Variants in PI4K2B observed in about 807,000 individuals in gnomAD.
PI4K2B encodes the protein phosphatidylinositol 4-kinase type 2-beta.
Under a neutral mutation model 56.6 loss-of-function variants are expected in PI4K2B, and 46 were observed. That is an observed-to-expected ratio of 0.81 (90% CI 0.64 to 1.04). PI4K2B has a LOEUF of 1.04. Ranked by LOEUF, PI4K2B falls within the 50% of genes least tolerant of loss-of-function variation. PI4K2B has a pLI of 0.00. For missense variants in PI4K2B, 556 were observed against 607.7 expected (o/e 0.91, Z 0.89); for synonymous variants, 211 against 223.8 (o/e 0.94, Z 0.51).
In PI4K2B at chr4:25,255,272, C is replaced by A; in HGVS notation, c.624+7C>A. ...CATTGTACCTAAAACAAAGGTAAGC[C>A]AGACTTTATTTTTAACCATGGACTT... On this transcript the variant is annotated splice_region_variant and intron_variant, in intron 3 of 9. Transcript: ENST00000264864. 6.2e-7 allele frequency: 1 copy of A among 1,608,674 alleles called. No individual in the cohort carries two copies. The highest frequency in any genetic ancestry group is 8.5e-7 in the Non-Finnish European group (1 of 1,175,282).
intron 6 of PI4K2B, 21 bp from the exon 7 acceptor site, chr4:25,263,729 T>C: frequency 1.1e-6 from 1 of 874,720 alleles, no homozygotes; most frequent in Admixed American, 2.0e-5. Context: ...TTTATCAACA[T>C]ATCATTTTTC....
intron 1 of PI4K2B, among the ~76,000 whole-genome samples, chr4:25,249,657 A>G (rs983990288): frequency 3.4e-5 from 5 of 147,706 alleles, no homozygotes; most frequent in Non-Finnish European, 6.0e-5. Context: ...CACCTCCCAG[A>G]TGGGGTGGCG....
At position 25,260,609 on chromosome 4, in the gene PI4K2B, T is replaced by G; in HGVS notation, c.978+18T>G. 1 of 383,648 alleles carries G rather than the reference T, an allele frequency of 2.6e-6. No homozygotes were observed. The highest frequency in any genetic ancestry group is 4.3e-6 in the Non-Finnish European group (1 of 232,848). The allele number at this position is 383,648 out of a possible 1,614,324, so 23.8% of individuals were successfully genotyped here. A position where few individuals can be genotyped will look rare whatever the true frequency, so the allele number is the denominator to read the frequency against. On this transcript the variant is annotated intron_variant, in intron 6 of 9. Transcript: ENST00000264864. ...ACCATAAGGTAAGGAAATTTACAAT[T>G]TTATATATATATATATATATATATA...
chr4:25,253,248 A>C (rs1000903890), intron 2 of PI4K2B, among the ~76,000 whole-genome samples: 1 of 152,210 alleles, frequency 6.6e-6, no homozygotes, highest in African/African-American at 2.4e-5. Flanking sequence ...AAGTATTGGA[A>C]TGTGAAAGTG....
rs1577703574 is a variant in PI4K2B at position 25,277,329 on chromosome 4, A to G, written c.*142A>G. ...AAAGGTTGTATTTTGAATGTAACCA[A>G]AAGTTTACAGTTTTTTGTCCAAATA... On this transcript the variant is annotated 3_prime_UTR_variant, in exon 10 of 10. Transcript: ENST00000264864. 5.2e-6 allele frequency: 5 copies of G among 969,992 alleles called. No homozygotes were observed. In the East Asian group the frequency reaches 8.3e-5, roughly 16 times the overall value. 60.1% of individuals were successfully genotyped at this position (969,992 alleles called of 1,614,324 possible).
At chr4:25,237,898 A>T (rs1010734136) in intron 1 of PI4K2B, among the ~76,000 whole-genome samples, 2 of 152,216 alleles carry the variant, frequency 1.3e-5, no homozygotes, top group Non-Finnish European at 2.9e-5. Flanking sequence ...AAAGAAAAAA[A>T]GAAAAAGCAC....
chr4:25,277,108 G>C lies in PI4K2B; in HGVS notation c.1367G>C (p.Ser456Thr). Residue 456 changes from serine to threonine, a missense_variant, in exon 10 of 10, where the codon AGT becomes ACT. By Grantham distance (58) the Ser-to-Thr change is moderately conservative. Transcript: ENST00000264864. The part of the protein sequence containing the change: ...CVIVERSQGG[S>T]QGRIVHLSNS... The stretch of plus-strand genomic sequence containing the variant: ...ATTGTGGAACGCAGTCAAGGTGGAA[G>C]TCAGGGTCGGATTGTCCACCTGAGC... 5 of 1,614,054 alleles carry C rather than the reference G, an allele frequency of 3.1e-6. No homozygotes were observed. The highest frequency in any genetic ancestry group is 4.2e-6 in the Non-Finnish European group (5 of 1,179,936).
intron 1 of PI4K2B, among the ~76,000 whole-genome samples, chr4:25,240,738 CTCTT>C (rs1560366130): frequency 6.6e-6 from 1 of 152,116 alleles, no homozygotes; most frequent in Admixed American, 6.6e-5. Flanking sequence ...ACTTCCATCT[CTCTT>C]TCTTTCTCTT....
At chr4:25,255,902 G>A (rs999093892) in intron 3 of PI4K2B, among the ~76,000 whole-genome samples, 1 of 150,888 alleles carries the variant, frequency 6.6e-6, no homozygotes, top group Non-Finnish European at 1.5e-5. Context: ...ATACCATCAT[G>A]CGCCTGGCAC....
At chr4:25,266,666 C>G (rs1448226085) in intron 7 of PI4K2B, among the ~76,000 whole-genome samples, 1 of 152,106 alleles carries the variant, frequency 6.6e-6, no homozygotes, top group Non-Finnish European at 1.5e-5. Flanking sequence ...GAAATTTTAC[C>G]AAACATGCAG....
chr4:25,234,508 G>A, intron 1 of PI4K2B, 77 bp downstream of exon 1: 1 of 1,048,890 alleles, frequency 9.5e-7, no homozygotes, highest in Non-Finnish European at 1.2e-6. Flanking sequence ...CCTGTCTCCC[G>A]CGCGCGCTGG....
At chr4:25,272,708 A>C (rs955355719) in intron 9 of PI4K2B, among the ~76,000 whole-genome samples, 4 of 152,172 alleles carry the variant, frequency 2.6e-5, no homozygotes, top group Non-Finnish European at 4.4e-5. Flanking sequence ...GATCTAAAAA[A>C]TCAGGTATTG....
chr4:25,251,378 G>T lies in PI4K2B; in HGVS notation c.269-943G>T, dbSNP rs138921773. Among the ~76,000 whole-genome samples, 107 of 152,272 alleles carry T rather than the reference G, an allele frequency of 7.0e-4. 2 individuals carry two copies. Among genetic ancestry groups the T allele is most frequent in the African/African-American group, 2.5e-3 (102 of 41,540 alleles). On this transcript the variant is annotated intron_variant, in intron 1 of 9. Coordinates refer to ENST00000264864, the MANE Select transcript of PI4K2B (RefSeq NM_018323.4). ...GCATTTCTTTAATTCCGCTGCCCTG[G>T]TGCAGGCATGGAGTTGGTAGACAGT...
chr4:25,263,815 AT>A lies in PI4K2B; in HGVS notation c.1047del (p.Pro350LeufsTer29). 1 of 1,528,256 alleles carries A rather than the reference AT, an allele frequency of 6.5e-7. No individual in the cohort carries two copies. Among genetic ancestry groups the A allele is most frequent in the Non-Finnish European group, 9.1e-7 (1 of 1,103,682 alleles). 94.7% of individuals were successfully genotyped at this position (1,528,256 alleles called of 1,614,324 possible). A position where few individuals can be genotyped will look rare whatever the true frequency, so the allele number is the denominator to read the frequency against. ...KIAAIDNGLA[F>X]PFKHPDEWRA... ...TAGCTGCAATTGATAATGGTCTAGC[AT>A]TTCCTTTTAAACATCCTGATGAATG... On this transcript the variant is annotated frameshift_variant, in exon 7 of 10. Coordinates refer to ENST00000264864, the MANE Select transcript of PI4K2B (RefSeq NM_018323.4). LOFTEE classifies it high-confidence loss of function.
rs1326872179 is a variant in PI4K2B at position 25,248,066 on chromosome 4, GT to G, written c.269-4254del. ...AGTGAGTAAGATATGGTAAAGATGG[GT>G]AGGTTTAGGTTTACAGTTCTAATCC... On this transcript the variant is annotated intron_variant, in intron 1 of 9. Coordinates refer to ENST00000264864, the MANE Select transcript of PI4K2B (RefSeq NM_018323.4). 2.0e-5 allele frequency among the ~76,000 whole-genome samples: 3 copies of G among 152,236 alleles called. No individual in the cohort carries two copies. The East Asian group carries it at 5.8e-4, about 29-fold the overall frequency.
At chr4:25,250,675 C>T (rs1470334317) in intron 1 of PI4K2B, 1 of 152,160 alleles carries the variant, frequency 6.6e-6, no homozygotes, top group East Asian at 1.9e-4. Flanking sequence ...GCACTTGTAC[C>T]CTTGAACTTA....
chr4:25,245,173 G>C (rs565087556), intron 1 of PI4K2B, among the ~76,000 whole-genome samples: 126 of 152,198 alleles, frequency 8.3e-4, no homozygotes, highest in African/African-American at 2.9e-3. Context: ...ATGGGGCTTC[G>C]GGCAAAAATT....
chr4:25,246,962 G>A (rs762997689), intron 1 of PI4K2B, among the ~76,000 whole-genome samples: 6 of 152,218 alleles, frequency 3.9e-5, no homozygotes, highest in Non-Finnish European at 8.8e-5. Context: ...GCCTGCAAGC[G>A]CCGCATGCAG....
chr4:25,241,727 C>T (rs1169775189), intron 1 of PI4K2B, among the ~76,000 whole-genome samples: 1 of 152,196 alleles, frequency 6.6e-6, no homozygotes, highest in African/African-American at 2.4e-5. Context: ...CAGCCTTTTG[C>T]TACTACATCA....
Sources: gnomAD v4.1 joint callset for allele counts (sites outside exome capture counted in the v4.1 genomes callset) on GRCh38, gnomAD v4.1.1 for gene constraint, MANE v1.5 for transcripts, NCBI Gene and HGNC (gene_info 2026-07-23, HGNC 2026-07-21) for gene names.